The following NFIB variants were observed in gnomAD, a reference collection of about 807,000 sequenced individuals.
NFIB encodes nuclear factor I B.
In NFIB, 11 loss-of-function variants were observed where a neutral mutation model predicts 61.5. The observed-to-expected ratio is 0.18, with a 90% confidence interval of 0.11 to 0.30. The LOEUF (loss-of-function observed/expected upper bound fraction) is 0.30, where lower values mean the gene tolerates loss of function less well. Ranked by LOEUF, NFIB falls within the 10% of genes least tolerant of loss-of-function variation. The pLI, the probability that NFIB is intolerant of heterozygous loss-of-function variation, is 1.00. For synonymous variants in NFIB, 260 were observed against 216.5 expected, an observed-to-expected ratio of 1.20 and a Z score of -1.76; for missense variants, 471 against 608.9, an observed-to-expected ratio of 0.77 and a Z score of 2.38.
At chr9:14,138,336 CAATA>C (rs1199245397) in intron 6 of NFIB, among the ~76,000 whole-genome samples, 4 of 151,880 alleles carry the variant, frequency 2.6e-5, no homozygotes, top group Non-Finnish European at 5.9e-5. Flanking sequence ...ATGCTTTCTT[CAATA>C]AATAAATAAC....
the NFIB span, among the ~76,000 whole-genome samples, chr9:14,417,881 A>C: frequency 1.3e-5 from 2 of 150,264 alleles, no homozygotes; most frequent in African/African-American, 4.9e-5. Context: ...CCCGAGTTCA[A>C]GTGATTCTCC....
chr9:14,386,701 T>A (rs1454965686), intron 1 of NFIB, among the ~76,000 whole-genome samples: 1 of 152,232 alleles, frequency 6.6e-6, no homozygotes, highest in Non-Finnish European at 1.5e-5. Context: ...ATGATGAATG[T>A]TAGTGCTTCT....
At chr9:14,228,442 C>T (rs755522920) in intron 2 of NFIB, among the ~76,000 whole-genome samples, 6 of 152,034 alleles carry the variant, frequency 3.9e-5, no homozygotes, top group East Asian at 1.9e-4. Flanking sequence ...GTCATCTACC[C>T]GCCTCAGCCT....
At chr9:14,388,421 AAGGAAG>A (rs2061578884) in intron 1 of NFIB, among the ~76,000 whole-genome samples, 8 of 142,434 alleles carry the variant, frequency 5.6e-5, no homozygotes, top group East Asian at 2.1e-4. Flanking sequence ...GGAAGGAAGG[AAGGAAG>A]GAGAGAGAAA....
chr9:14,464,203 G>T, the NFIB span, among the ~76,000 whole-genome samples: 1 of 152,130 alleles, frequency 6.6e-6, no homozygotes, highest in African/African-American at 2.4e-5. Context: ...AATGCCTTAC[G>T]TTTATGAAAA....
At chr9:14,389,754 C>T (rs568275588) in intron 1 of NFIB, among the ~76,000 whole-genome samples, 8 of 150,640 alleles carry the variant, frequency 5.3e-5, no homozygotes, top group African/African-American at 1.9e-4. Flanking sequence ...TTTCCACCCC[C>T]AAAGACTCTT....
chr9:14,486,508 C>G, the NFIB span, among the ~76,000 whole-genome samples: 2 of 152,264 alleles, frequency 1.3e-5, no homozygotes, highest in South Asian at 4.1e-4. Context: ...AAAATGCAAA[C>G]GGAAGTACCT....
At chr9:14,379,906 C>T (rs1276690501) in intron 1 of NFIB, among the ~76,000 whole-genome samples, 1 of 152,048 alleles carries the variant, frequency 6.6e-6, no homozygotes, top group Non-Finnish European at 1.5e-5. Context: ...TGGTCTCGAA[C>T]TCCTGACCTC....
chr9:14,315,392 C>T (rs1470040178), upstream of NFIB, among the ~76,000 whole-genome samples: 1 of 150,628 alleles, frequency 6.6e-6, no homozygotes, highest in East Asian at 2.0e-4. Flanking sequence ...ACCTCCTCCC[C>T]GCGCCCGGCT....
chr9:14,302,287 T>C (rs1563991151), intron 2 of NFIB, among the ~76,000 whole-genome samples: 1 of 152,234 alleles, frequency 6.6e-6, no homozygotes, highest in South Asian at 2.1e-4. Context: ...AAGAAAATAA[T>C]TCTTAGCATT....
chr9:14,264,076 G>T (rs1389066101), intron 2 of NFIB, among the ~76,000 whole-genome samples: 2 of 152,002 alleles, frequency 1.3e-5, no homozygotes, highest in African/African-American at 4.8e-5. Flanking sequence ...AGGAAGAAAG[G>T]AGACAAACTT....
chr9:14,401,189 C>A (rs1444894370), upstream of NFIB, among the ~76,000 whole-genome samples: 1 of 152,150 alleles, frequency 6.6e-6, no homozygotes, highest in Non-Finnish European at 1.5e-5. Flanking sequence ...GTGTGTCTAC[C>A]CATTGACAAC....
chr9:14,205,672 A>G (rs1289904929), intron 2 of NFIB, among the ~76,000 whole-genome samples: 1 of 152,176 alleles, frequency 6.6e-6, no homozygotes, highest in Non-Finnish European at 1.5e-5. Context: ...AACTGAATCC[A>G]ACATTCTTGC....
chr9:14,223,119 T>G (rs1247707124), intron 2 of NFIB, among the ~76,000 whole-genome samples: 2 of 152,190 alleles, frequency 1.3e-5, no homozygotes, highest in Non-Finnish European at 2.9e-5. Context: ...TGAATTTCTG[T>G]TGAGCTGCAT....
chr9:14,427,931 T>G, the NFIB span, among the ~76,000 whole-genome samples: 4 of 137,972 alleles, frequency 2.9e-5, no homozygotes, highest in Non-Finnish European at 6.2e-5. Context: ...ATTCTTTAAT[T>G]CAGTTGTTTT....
the NFIB span, among the ~76,000 whole-genome samples, chr9:14,406,556 C>G: frequency 6.6e-6 from 1 of 152,118 alleles, no homozygotes; most frequent in Non-Finnish European, 1.5e-5. Context: ...TAGAAGGAAA[C>G]ATGACACAGA....
Position 14,102,253 on chromosome 9 carries a change from C to T in NFIB, c.1467+10746G>A, listed in dbSNP as rs763713041. Among the ~76,000 whole-genome samples, 10 of 152,112 alleles carry T rather than the reference C, an allele frequency of 6.6e-5. 1 individual carries two copies. Among genetic ancestry groups the T allele is most frequent in the Admixed American group, 3.3e-4 (5 of 15,292 alleles). Reference sequence around the variant, plus strand: ...ATACTATAGTCCCAACTTAATTTGACGTTCCATTTACATAAGAAATAAAGG... The same window carrying T: ...ATACTATAGTCCCAACTTAATTTGATGTTCCATTTACATAAGAAATAAAGG... On this transcript the variant is annotated intron_variant, in intron 10 of 10. Transcript: ENST00000380953.
intron 2 of NFIB, among the ~76,000 whole-genome samples, chr9:14,226,237 G>A (rs1280544170): frequency 6.6e-6 from 1 of 151,892 alleles, no homozygotes; most frequent in South Asian, 2.1e-4. Context: ...AAGTCTATTA[G>A]GTAAAACGAC....
the NFIB span, among the ~76,000 whole-genome samples, chr9:14,502,691 A>AG: frequency 6.6e-6 from 1 of 152,146 alleles, no homozygotes; most frequent in Non-Finnish European, 1.5e-5. Flanking sequence ...ATTGTTTCCT[A>AG]GGGGGAAGTT....
Sources: allele counts gnomAD v4.1 joint callset (sites outside exome capture counted in the v4.1 genomes callset), GRCh38; gene constraint gnomAD v4.1.1; transcripts MANE v1.5; gene names NCBI Gene and HGNC (gene_info 2026-07-23, HGNC 2026-07-21).